KCNK1: variants seen among roughly 807,000 people sequenced by gnomAD.
KCNK1 encodes the protein potassium two pore domain channel subfamily K member 1, also known as potassium channel subfamily K member 1.
KCNK1 carries 10 observed loss-of-function variants against 22.2 expected under a neutral mutation model. The observed-to-expected ratio is 0.45, with a 90% CI of 0.28 to 0.76. KCNK1 has a LOEUF of 0.76. Ranked by LOEUF, KCNK1 falls within the 30% of genes least tolerant of loss-of-function variation. KCNK1 has a pLI of 0.14. For synonymous variants in KCNK1, 200 were observed against 186.4 expected, an observed-to-expected ratio of 1.07 and a Z score of -0.60; for missense variants, 378 against 421.0, an observed-to-expected ratio of 0.90 and a Z score of 0.89.
chr1:233,645,352 ATAAT>A (rs1050168915), intron 1 of KCNK1, among the ~76,000 whole-genome samples: 3 of 152,216 alleles, frequency 2.0e-5, no homozygotes, highest in Non-Finnish European at 2.9e-5. Context: ...CCTTGTGGAA[ATAAT>A]TAAGTTAAGG....
chr1:233,617,016 G>GT (rs1439421323), intron 1 of KCNK1, among the ~76,000 whole-genome samples: 5 of 151,220 alleles, frequency 3.3e-5, no homozygotes, highest in African/African-American at 4.9e-5. Context: ...ATCGCTTTTC[G>GT]TTTTTTGGGT....
At chr1:233,656,605 T>A (rs1658304113) in intron 1 of KCNK1, among the ~76,000 whole-genome samples, 1 of 152,138 alleles carries the variant, frequency 6.6e-6, no homozygotes, top group African/African-American at 2.4e-5. Context: ...AAGCTTCAAT[T>A]ATTTATTTCT....
chr1:233,653,449 G>T (rs1658233887), intron 1 of KCNK1, among the ~76,000 whole-genome samples: 2 of 141,982 alleles, frequency 1.4e-5, no homozygotes, highest in Non-Finnish European at 3.1e-5. Flanking sequence ...GGATGCCCAG[G>T]TAGCTGGTAA....
At chr1:233,624,755 C>T (rs1657655318) in intron 1 of KCNK1, among the ~76,000 whole-genome samples, 1 of 152,018 alleles carries the variant, frequency 6.6e-6, no homozygotes, top group African/African-American at 2.4e-5. Flanking sequence ...TCTGGGGGGC[C>T]TCATGTGTAC....
intron 1 of KCNK1, among the ~76,000 whole-genome samples, chr1:233,660,836 G>A (rs1263931523): frequency 6.6e-6 from 1 of 152,144 alleles, no homozygotes; most frequent in African/African-American, 2.4e-5. Flanking sequence ...GAGCACCTAA[G>A]AAATAATGTT....
chr1:233,662,989 A>G (rs983519518), intron 1 of KCNK1, among the ~76,000 whole-genome samples: 1 of 152,242 alleles, frequency 6.6e-6, no homozygotes, highest in African/African-American at 2.4e-5. Context: ...ATTTTGCTTC[A>G]TGATCTATCT....
At position 233,614,223 on chromosome 1, in the gene KCNK1, C is replaced by A; in HGVS notation, c.52C>A (p.Arg18Ser). ...SSCVRLVERH[R>S]SAWCFGFLVL... is the part of the protein sequence containing the mutation. ...GTGCGTGCGCCTGGTGGAGCGGCAC[C>A]GCTCGGCCTGGTGCTTCGGCTTCCT... The change falls in exon 1 of 3, where the codon CGC becomes AGC. Residue 18 changes from arginine to serine, a missense_variant. By Grantham distance (110) the Arg-to-Ser change is moderately radical (BLOSUM62 -1). Transcript: ENST00000366621. The A allele has an allele frequency of 6.2e-7, 1 of 1,611,518 alleles. No individual in the cohort carries two copies. The highest frequency in any genetic ancestry group is 8.5e-7 in the Non-Finnish European group (1 of 1,179,812).
At chr1:233,659,581 CTATAATCG>C (rs1386608644) in intron 1 of KCNK1, among the ~76,000 whole-genome samples, 2 of 151,260 alleles carry the variant, frequency 1.3e-5, no homozygotes, top group Non-Finnish European at 3.0e-5. Context: ...TATACATACA[CTATAATCG>C]TATGTGCTAT....
intron 1 of KCNK1, among the ~76,000 whole-genome samples, chr1:233,663,615 C>T (rs979698171): frequency 6.6e-6 from 1 of 151,808 alleles, no homozygotes; most frequent in East Asian, 1.9e-4. Flanking sequence ...AAAAGGCTAC[C>T]AAAAAAAGTA....
chr1:233,631,186 A>G (rs1235624419), intron 1 of KCNK1: 1 of 479,464 alleles, frequency 2.1e-6, no homozygotes, highest in East Asian at 6.2e-5. Flanking sequence ...ATTTATACCT[A>G]CGTGGTAACT....
At position 233,659,686 on chromosome 1, in the gene KCNK1, C is replaced by T. The variant is rs76033398; in HGVS notation, c.356-6909C>T. On this transcript the variant is annotated intron_variant, in intron 1 of 2. Coordinates refer to ENST00000366621, the MANE Select transcript of KCNK1 (RefSeq NM_002245.4). ...GTAATGCATCGCCTTATGATGTTAC[C>T]ATGGCTACGACATTGCTAGGGGATG... Among the ~76,000 whole-genome samples, 656 of 151,998 alleles carry T rather than the reference C, an allele frequency of 4.3e-3. 2 individuals carry two copies. Among genetic ancestry groups the T allele is most frequent in the Middle Eastern group, 0.041 (12 of 292 alleles).
intron 1 of KCNK1, chr1:233,649,984 A>G (rs1245159394): frequency 1.9e-6 from 1 of 533,348 alleles, no homozygotes; most frequent in Non-Finnish European, 3.8e-6. Flanking sequence ...AGATTGTTGA[A>G]TCTGGCTGTG....
chr1:233,642,667 G>C (rs1266532766), intron 1 of KCNK1, among the ~76,000 whole-genome samples: 1 of 152,154 alleles, frequency 6.6e-6, no homozygotes, highest in Non-Finnish European at 1.5e-5. Flanking sequence ...GTGATGCTGT[G>C]GGGGATGGAC....
chr1:233,614,262 T>G lies in KCNK1; in HGVS notation c.91T>G (p.Leu31Val), dbSNP rs141810429. The G allele has an allele frequency of 7.2e-5, 116 of 1,613,462 alleles. No homozygotes were observed. In the African/African-American group the frequency reaches 1.1e-3, roughly 16 times the overall value. The change falls in exon 1 of 3, where the codon TTG becomes GTG. Residue 31 changes from leucine (L) to valine (V), a missense_variant. Physicochemically the swap from Leu to Val is conservative, Grantham distance 32 (BLOSUM62 1). Transcript: ENST00000366621. The stretch of plus-strand genomic sequence containing the variant: ...CTTCGGCTTCCTGGTGCTGGGCTAC[T>G]TGCTCTACCTGGTCTTCGGCGCAGT... ...WCFGFLVLGY[L>V]LYLVFGAVVF...
At position 233,666,921 on chromosome 1, in the gene KCNK1, C is replaced by T. The variant is rs1658500435; in HGVS notation, c.682C>T (p.Leu228=). 1 of 1,614,114 alleles carries T rather than the reference C, an allele frequency of 6.2e-7. No individual in the cohort carries two copies. The highest frequency in any genetic ancestry group is 8.5e-7 in the Non-Finnish European group (1 of 1,179,986). Residue 228 remains leucine (L), a synonymous_variant, in exon 2 of 3, where the codon CTG becomes TTG. Transcript: ENST00000366621. ...FCFISLSTIG[L]GDYVPGEGYN... ...TTTTATTTCCCTGAGCACCATTGGC[C>T]TGGGGGATTATGTGCCTGGGGAAGG...
chr1:233,668,390 A>T (rs1658535481), intron 2 of KCNK1, among the ~76,000 whole-genome samples: 1 of 152,154 alleles, frequency 6.6e-6, no homozygotes, highest in Admixed American at 6.6e-5. Context: ...TAAATCCCTA[A>T]TGCTTTGAAC....
At chr1:233,650,046 C>T (rs760264674) in intron 1 of KCNK1, 4 of 533,232 alleles carry the variant, frequency 7.5e-6, no homozygotes, top group Non-Finnish European at 1.5e-5. Flanking sequence ...TGAGAGTACA[C>T]CAGGTGATGT....
At chr1:233,667,223 A>G (rs567774023) in intron 2 of KCNK1, among the ~76,000 whole-genome samples, 5 of 151,650 alleles carry the variant, frequency 3.3e-5, no homozygotes, top group African/African-American at 1.2e-4. Context: ...GCTCCACTTC[A>G]CCTCTCAATG....
At chr1:233,618,893 A>G (rs1657530598) in intron 1 of KCNK1, among the ~76,000 whole-genome samples, 1 of 152,264 alleles carries the variant, frequency 6.6e-6, no homozygotes, top group Non-Finnish European at 1.5e-5. Context: ...AAAAAAACAA[A>G]GAAACATAAA....
Sources: allele counts gnomAD v4.1 joint callset (sites outside exome capture counted in the v4.1 genomes callset), GRCh38; gene constraint gnomAD v4.1.1; transcripts MANE v1.5; gene names NCBI Gene and HGNC (gene_info 2026-07-23, HGNC 2026-07-21).